NEXMIF: variants seen among roughly 807,000 people sequenced by gnomAD.
The protein encoded by NEXMIF is XLMR protein related to neurite extension.
A neutral mutation model predicts 62.1 loss-of-function variants in NEXMIF; 8 were observed. The ratio of observed to expected loss-of-function variants is 0.13; its 90% CI spans 0.08 to 0.23. The LOEUF (loss-of-function observed/expected upper bound fraction) is 0.23. Ranked by LOEUF, NEXMIF falls within the 10% of genes least tolerant of loss-of-function variation. The pLI is 1.00. For synonymous variants in NEXMIF, 404 were observed against 416.6 expected, an observed-to-expected ratio of 0.97 and a Z score of 0.37; for missense variants, 976 against 1,113.3, an observed-to-expected ratio of 0.88 and a Z score of 1.75.
At position 74,737,701 on chromosome X, in the gene NEXMIF, C is replaced by T. The variant is rs1311638709; in HGVS notation, c.*1704G>A. ...CTCTGACTACTTTCAAATGTTGCTTCTCTGTTTGTGAATACATTTAGGTGG... is the reference window on the plus strand; with the variant it reads ...CTCTGACTACTTTCAAATGTTGCTTTTCTGTTTGTGAATACATTTAGGTGG... On this transcript the variant is annotated 3_prime_UTR_variant, in exon 4 of 4. Transcript: ENST00000055682. The T allele has an allele frequency of 9.0e-6, 1 of 111,463 alleles. No individual in the cohort carries two copies. Among genetic ancestry groups the T allele is most frequent in the Non-Finnish European group, 1.9e-5 (1 of 53,044 alleles). The allele number at this position is 111,463 out of a possible 1,213,427, so 9.2% of individuals were successfully genotyped here.
At chrX:74,786,840 T>G in intron 1 of NEXMIF, among the ~76,000 whole-genome samples, 1 of 109,711 alleles carries the variant, frequency 9.1e-6, no homozygotes, top group South Asian at 3.9e-4. Context: ...CACACACACG[T>G]GAGCACATGT....
intron 1 of NEXMIF, among the ~76,000 whole-genome samples, chrX:74,849,037 T>C (rs916825195): frequency 8.9e-6 from 1 of 112,122 alleles, no homozygotes; most frequent in African/African-American, 3.2e-5. Flanking sequence ...TGATTTGTTA[T>C]AGCAGCCCAA....
At chrX:74,873,843 G>C (rs932070487) in intron 1 of NEXMIF, among the ~76,000 whole-genome samples, 6 of 110,884 alleles carry the variant, frequency 5.4e-5, no homozygotes, top group Non-Finnish European at 9.5e-5. Flanking sequence ...GGGGTTGTTT[G>C]TTTTTTTCTT....
intron 1 of NEXMIF, among the ~76,000 whole-genome samples, chrX:74,862,982 C>A (rs1485623551): frequency 9.1e-6 from 1 of 110,406 alleles, no homozygotes; most frequent in African/African-American, 3.3e-5. Context: ...ACCAGCCTGG[C>A]TAACATGGTG....
chrX:74,925,371 T>G lies in NEXMIF; in HGVS notation c.-536A>C. ...AGCTGTTAAAGCTATTGCTAAATGC[T>G]GCTACTGCCGCTAATGCTACTGCTG... On this transcript the variant is annotated 5_prime_UTR_variant, in exon 1 of 4. Transcript: ENST00000055682. The G allele has an allele frequency of 5.9e-6, 1 of 169,741 alleles. No homozygotes were observed. Among genetic ancestry groups the G allele is most frequent in the South Asian group, 8.5e-5 (1 of 11,789 alleles). 14.0% of individuals were successfully genotyped at this position (169,741 alleles called of 1,213,427 possible).
At chrX:74,838,590 T>C (rs1460570757) in intron 1 of NEXMIF, among the ~76,000 whole-genome samples, 1 of 112,317 alleles carries the variant, frequency 8.9e-6, no homozygotes, top group Non-Finnish European at 1.9e-5. Context: ...ATTAACAACA[T>C]ATGGTAACAA....
Position 74,892,434 on chromosome X carries a change from T to C in NEXMIF, c.-48+32449A>G, listed in dbSNP as rs12852737. 6.1e-3 allele frequency among the ~76,000 whole-genome samples: 683 copies of C among 111,987 alleles called. 3 individuals are homozygous for C. Among genetic ancestry groups the C allele is most frequent in the Admixed American group, 1.0e-2 (105 of 10,520 alleles). On this transcript the variant is annotated intron_variant, in intron 1 of 3. Coordinates refer to ENST00000055682, the MANE Select transcript of NEXMIF (RefSeq NM_001008537.3). ...CACTTTACAGATATTATTTTCCTCA[T>C]TCTCCCCACAGCCTGGTAAAGCAGG...
chrX:74,892,488 C>A lies in NEXMIF; in HGVS notation c.-48+32395G>T, dbSNP rs1275186612. ...GGCACGTATTTTTATACCCGTAAAC[C>A]CTAATATAGTCTTAGAGGCTTTGCC... On this transcript the variant is annotated intron_variant, in intron 1 of 3. Transcript: ENST00000055682. Among the ~76,000 whole-genome samples, 3 of 111,874 alleles carry A rather than the reference C, an allele frequency of 2.7e-5. No individual in the cohort carries two copies. The Admixed American group carries it at 2.9e-4, about 11-fold the overall frequency.
chrX:74,805,311 C>G (rs2080341765), intron 1 of NEXMIF, among the ~76,000 whole-genome samples: 1 of 111,691 alleles, frequency 9.0e-6, no homozygotes, highest in Non-Finnish European at 1.9e-5. Context: ...GTAAAGCCTT[C>G]TATTTGGCTA....
At chrX:74,915,997 A>T (rs892287865) in intron 1 of NEXMIF, among the ~76,000 whole-genome samples, 1 of 112,374 alleles carries the variant, frequency 8.9e-6, no homozygotes, top group South Asian at 3.7e-4. Context: ...TACAGCAACC[A>T]TAGTAGAAAA....
At chrX:74,807,981 A>G (rs1247142840) in intron 1 of NEXMIF, among the ~76,000 whole-genome samples, 3 of 112,106 alleles carry the variant, frequency 2.7e-5, no homozygotes, top group Non-Finnish European at 5.6e-5. Context: ...TTTATTATGA[A>G]TAGGTGTTGA....
rs949689686 is a variant in NEXMIF, at chrX:74,735,600, T to A, written c.*3805A>T. 1.8e-5 allele frequency: 2 copies of A among 111,687 alleles called. No individual in the cohort carries two copies. The highest frequency in any genetic ancestry group is 3.8e-5 in the Non-Finnish European group (2 of 53,061). The allele number at this position is 111,687 out of a possible 1,213,427, so 9.2% of individuals were successfully genotyped here. ...GTAGCCCCCTCACACACGCAGATGC[T>A]TCCCAGCAAGGAAAAAGTTCAGAGA... On this transcript the variant is annotated 3_prime_UTR_variant, in exon 4 of 4. Transcript: ENST00000055682.
chrX:74,848,200 A>G (rs1027923518), intron 1 of NEXMIF, among the ~76,000 whole-genome samples: 1 of 112,236 alleles, frequency 8.9e-6, no homozygotes, highest in African/African-American at 3.2e-5. Context: ...AATTACTTTT[A>G]GCAAAACTAC....
intron 1 of NEXMIF, among the ~76,000 whole-genome samples, chrX:74,879,265 C>G (rs975482021): frequency 1.8e-5 from 2 of 111,831 alleles, no homozygotes; most frequent in Non-Finnish European, 3.8e-5. Context: ...TTAAGTGATG[C>G]ATGACTGTAT....
At chrX:74,752,788 AAG>A (rs1242898396) in intron 1 of NEXMIF, among the ~76,000 whole-genome samples, 1 of 111,751 alleles carries the variant, frequency 8.9e-6, no homozygotes, top group African/African-American at 3.3e-5. Flanking sequence ...GCCTTTGTGA[AAG>A]AATTTTATTT....
chrX:74,795,264 C>T (rs773685484), intron 1 of NEXMIF, among the ~76,000 whole-genome samples: 15 of 112,139 alleles, frequency 1.3e-4, no homozygotes, highest in Non-Finnish European at 2.4e-4. Context: ...CCTAATTTCT[C>T]AAAGCTAAAA....
intron 1 of NEXMIF, among the ~76,000 whole-genome samples, chrX:74,888,081 C>A (rs1288703947): frequency 9.2e-6 from 1 of 108,891 alleles, no homozygotes; most frequent in Non-Finnish European, 1.9e-5. Context: ...TAGGTGGGAA[C>A]TGAAGAATGA....
chrX:74,881,380 A>G (rs1199505012), intron 1 of NEXMIF, among the ~76,000 whole-genome samples: 1 of 69,604 alleles, frequency 1.4e-5, no homozygotes, highest in Non-Finnish European at 2.5e-5. Flanking sequence ...ACACACACAC[A>G]CACATACACA....
intron 1 of NEXMIF, among the ~76,000 whole-genome samples, chrX:74,803,592 A>T (rs1311935557): frequency 9.1e-6 from 1 of 109,748 alleles, no homozygotes; most frequent in Non-Finnish European, 1.9e-5. Context: ...ATAAATAAAT[A>T]AATAAATAAT....
Sources: allele counts gnomAD v4.1 joint callset (sites outside exome capture counted in the v4.1 genomes callset), GRCh38; gene constraint gnomAD v4.1.1; transcripts MANE v1.5; gene names NCBI Gene and HGNC (gene_info 2026-07-23, HGNC 2026-07-21).